THAP9: variants seen among roughly 807,000 people sequenced by gnomAD.
THAP9 encodes the protein DNA transposase THAP9.
THAP9 carries 20 observed loss-of-function variants against 35.7 expected under a neutral mutation model. That is an observed-to-expected ratio of 0.56 (90% confidence interval 0.39 to 0.81). THAP9 has a LOEUF of 0.81. Among genes scored for constraint, THAP9 ranks in the 40% least tolerant of loss-of-function variants. The pLI is 0.00. For missense variants in THAP9, 870 were observed against 1,047.4 expected (o/e 0.83, Z 2.34); for synonymous variants, 335 against 373.7 (o/e 0.90, Z 1.19).
In THAP9 at chr4:82,917,356, A is replaced by G. The variant is rs751453009; in HGVS notation, c.1144A>G (p.Met382Val). 36 of 1,613,346 alleles carry G rather than the reference A, an allele frequency of 2.2e-5. No homozygotes were observed. Among genetic ancestry groups the G allele is most frequent in the South Asian group, 3.3e-5 (3 of 91,074 alleles). ...TSDATAHSVQ[M>V]AKALGIHIDG... ...TGATGCCACAGCACATAGTGTTCAG[A>G]TGGCAAAAGCATTGGGGATACATAT... is the stretch of plus-strand genomic sequence containing the variant. The change falls in exon 5 of 5, where the codon ATG (methionine) becomes GTG (valine). Residue 382 changes from methionine (M) to valine (V), a missense_variant. Met to Val is a conservative substitution (Grantham distance 21). Around this residue, in one of 3 missense-constraint regions of THAP9, gnomAD observed 440 missense variants for 501.2 expected, o/e 0.88. Coordinates refer to ENST00000302236, the MANE Select transcript of THAP9 (RefSeq NM_024672.6).
rs139094304 is a variant in THAP9 at position 82,910,377 on chromosome 4, C to T, written c.731+2442C>T. ...AGAAAGTGAAAAACATAGTACTTCG[C>T]TTCCCCTAATCCCACAAAATAACTA... On this transcript the variant is annotated intron_variant, in intron 4 of 4. Coordinates refer to ENST00000302236, the MANE Select transcript of THAP9 (RefSeq NM_024672.6). 4 of 153,500 alleles carry T rather than the reference C, an allele frequency of 2.6e-5. No individual in the cohort carries two copies. The East Asian group carries it at 7.6e-4, about 29-fold the overall frequency. The allele number at this position is 153,500 out of a possible 1,614,324, so 9.5% of individuals were successfully genotyped here. A position where few individuals can be genotyped will look rare whatever the true frequency, so the allele number is the denominator to read the frequency against.
intron 3 of THAP9, 75 bp from the exon 4 acceptor site, chr4:82,907,710 T>A (rs547964009): frequency 4.2e-5 from 47 of 1,114,018 alleles, no homozygotes; most frequent in Non-Finnish European, 5.9e-5. Flanking sequence ...CAGTGCATTT[T>A]ATATCCAAAT....
intron 4 of THAP9, among the ~76,000 whole-genome samples, chr4:82,916,427 G>A (rs1721034222): frequency 6.6e-6 from 1 of 152,208 alleles, no homozygotes; most frequent in African/African-American, 2.4e-5. Context: ...GCTGTAAAGA[G>A]TGAGAAATGC....
chr4:82,914,253 A>G lies in THAP9; in HGVS notation c.732-2691A>G, dbSNP rs1297496986. On this transcript the variant is annotated intron_variant, in intron 4 of 4. Coordinates refer to ENST00000302236, the MANE Select transcript of THAP9 (RefSeq NM_024672.6). The stretch of plus-strand genomic sequence containing the variant: ...CATTGATGGAGATTTAGGGTGTTCC[A>G]TGTCTTGACTATTGTGAATAGTGCT... Among the ~76,000 whole-genome samples, 3 of 152,236 alleles carry G rather than the reference A, an allele frequency of 2.0e-5. No homozygotes were observed. In the East Asian group the frequency reaches 5.8e-4, roughly 29 times the overall value.
At chr4:82,907,741 A>T (rs1042782087) in intron 3 of THAP9, 44 bp from the exon 4 acceptor site, 18 of 1,449,662 alleles carry the variant, frequency 1.2e-5, no homozygotes, top group Non-Finnish European at 1.6e-5. Context: ...GTACCTGAAA[A>T]TTTTACTATT....
Position 82,906,393 on chromosome 4 carries a change from T to C in THAP9, c.346T>C (p.Ser116Pro), listed in dbSNP as rs1304164101. 1 of 1,613,364 alleles carries C rather than the reference T, an allele frequency of 6.2e-7. No individual in the cohort carries two copies. The highest frequency in any genetic ancestry group is 8.5e-7 in the Non-Finnish European group (1 of 1,179,536). ...KILKQPLPDNSQEVATEDHNY... is the reference protein window; with the variant it reads ...KILKQPLPDNPQEVATEDHNY... ...CCTAAAACAACCTCTTCCAGACAAT[T>C]CTCAAGAAGTTGCTACTGAGGACCA... Residue 116 changes from serine (S) to proline (P), a missense_variant, in exon 3 of 5, where the codon TCT becomes CCT. Ser to Pro is a moderately conservative substitution (Grantham distance 74). Transcript: ENST00000302236.
At position 82,914,264 on chromosome 4, in the gene THAP9, A is replaced by G. The variant is rs1216556218; in HGVS notation, c.732-2680A>G. 2.6e-5 allele frequency among the ~76,000 whole-genome samples: 4 copies of G among 152,276 alleles called. No individual in the cohort carries two copies. The East Asian group carries it at 5.8e-4, about 22-fold the overall frequency. On this transcript the variant is annotated intron_variant, in intron 4 of 4. Coordinates refer to ENST00000302236, the MANE Select transcript of THAP9 (RefSeq NM_024672.6). ...ATTTAGGGTGTTCCATGTCTTGACT[A>G]TTGTGAATAGTGCTGCAGTTAAAAT...
At chr4:82,905,445 C>T (rs932519132) in intron 2 of THAP9, among the ~76,000 whole-genome samples, 2 of 152,090 alleles carry the variant, frequency 1.3e-5, no homozygotes, top group Non-Finnish European at 2.9e-5. Context: ...ACCCCTTAAC[C>T]ACAACTCTGA....
rs1384612623 is a variant in THAP9, at chr4:82,917,247, A to G, written c.1035A>G (p.Ala345=). The change falls in exon 5 of 5, where the codon GCA becomes GCG. Residue 345 remains alanine (A), a synonymous_variant. Transcript: ENST00000302236. The part of the protein sequence containing the change: ...TPLGYFFVNR[A]SGYLQAQLLR... The stretch of plus-strand genomic sequence containing the variant: ...TTGGTTATTTTTTTGTAAACAGAGC[A>G]TCTGGATATTTGCAGGCTCAGCTGC... 1.2e-6 allele frequency: 2 copies of G among 1,614,010 alleles called. No homozygotes were observed. Among genetic ancestry groups the G allele is most frequent in the African/African-American group, 2.7e-5 (2 of 74,914 alleles).
At chr4:82,915,903 T>C (rs964542116) in intron 4 of THAP9, among the ~76,000 whole-genome samples, 1 of 151,998 alleles carries the variant, frequency 6.6e-6, no homozygotes, top group African/African-American at 2.4e-5. Flanking sequence ...GTCAACTCTG[T>C]GTGTGTGTGT....
At chr4:82,910,424 T>A (rs547401201) in intron 4 of THAP9, among the ~76,000 whole-genome samples, 75 of 110,944 alleles carry the variant, frequency 6.8e-4, no homozygotes, top group Admixed American at 3.8e-3. Flanking sequence ...TTTGTGTATA[T>A]CCTCCAAGTT....
In THAP9 at chr4:82,919,952, A is replaced by G. The variant is rs1199947193; in HGVS notation, c.*1028A>G. 1.3e-5 allele frequency: 2 copies of G among 150,478 alleles called. No homozygotes were observed. Among genetic ancestry groups the G allele is most frequent in the Admixed American group, 6.6e-5 (1 of 15,228 alleles). The allele number at this position is 150,478 out of a possible 1,614,324, so 9.3% of individuals were successfully genotyped here. A position where few individuals can be genotyped will look rare whatever the true frequency, so the allele number is the denominator to read the frequency against. ...GATAACGTAAAAGTATATTGATTAAAATTCCCCTTACAAAGTATATTTTGA... is the reference window on the plus strand; with the variant it reads ...GATAACGTAAAAGTATATTGATTAAGATTCCCCTTACAAAGTATATTTTGA... On this transcript the variant is annotated 3_prime_UTR_variant, in exon 5 of 5. Transcript: ENST00000302236.
rs763997599 is a variant in THAP9 at position 82,918,872 on chromosome 4, C to A, written c.2660C>A (p.Thr887Asn). 6.2e-7 allele frequency: 1 copy of A among 1,611,106 alleles called. No individual in the cohort carries two copies. The highest frequency in any genetic ancestry group is 1.7e-5 in the Admixed American group (1 of 59,632). Residue 887 changes from threonine (T) to asparagine (N), a missense_variant, in exon 5 of 5, where the codon ACC becomes AAC. This residue lies in a region of THAP9 where 414 missense variants were observed against 500.8 expected (regional missense o/e 0.83). Transcript: ENST00000302236. ...QDYKCSSFAN[T>N]SSKFRHLLSN... ...TATAAATGTTCAAGTTTTGCTAATA[C>A]CAGTAGTAAATTCAGGCATTTGCTA...
rs1391831815 is a variant in THAP9 at position 82,917,761 on chromosome 4, CTGTT to C, written c.1552_1555del (p.Phe518ThrfsTer25). Reference sequence around the variant, plus strand: ...CCATTTTTTACGTTTAATTAACAATCTGTTTGACATCTTTAATAGTAGGAACTGT... The same window carrying C: ...CCATTTTTTACGTTTAATTAACAATCTGACATCTTTAATAGTAGGAACTGT... On this transcript the variant is annotated frameshift_variant, in exon 5 of 5. Transcript: ENST00000302236. LOFTEE classifies it high-confidence loss of function. 9.3e-6 allele frequency: 15 copies of C among 1,613,842 alleles called. No individual in the cohort carries two copies. The highest frequency in any genetic ancestry group is 8.0e-5 in the African/African-American group (6 of 74,920).
At chr4:82,911,709 C>G (rs561046942) in intron 4 of THAP9, among the ~76,000 whole-genome samples, 1 of 152,216 alleles carries the variant, frequency 6.6e-6, no homozygotes, top group South Asian at 2.1e-4. Flanking sequence ...CACCACCACA[C>G]TCAGCAGGAA....
rs1346236845 is a variant in THAP9 at position 82,918,315 on chromosome 4, A to G, written c.2103A>G (p.Leu701=). 3 of 1,614,174 alleles carry G rather than the reference A, an allele frequency of 1.9e-6. No individual in the cohort carries two copies. The South Asian group carries it at 3.3e-5, about 18-fold the overall frequency. ...GICQDWSHCS[L]SEALLDLSDH... ...GTCAAGACTGGTCTCATTGTTCACT[A>G]AGTGAGGCATTACTAGACCTGTCAG... The change falls in exon 5 of 5, where the codon CTA becomes CTG. Residue 701 remains leucine, a synonymous_variant. Transcript: ENST00000302236.
chr4:82,901,027 G>C (rs1444092057), intron 1 of THAP9, 145 bp downstream of exon 1: 4 of 950,514 alleles, frequency 4.2e-6, no homozygotes, highest in Non-Finnish European at 6.6e-6. Flanking sequence ...GGGCGTGGGA[G>C]CGGAATTGGG....
At chr4:82,910,681 A>C in intron 4 of THAP9, 2 of 565,936 alleles carry the variant, frequency 3.5e-6, no homozygotes, top group South Asian at 1.8e-5. Context: ...TTATTCAATA[A>C]ATATTTATTG....
chr4:82,913,859 C>T (rs1418730204), intron 4 of THAP9, among the ~76,000 whole-genome samples: 2 of 152,000 alleles, frequency 1.3e-5, no homozygotes, highest in Non-Finnish European at 1.5e-5. Context: ...GCCTCAGCCT[C>T]CCGAGTAGCT....
Sources: allele counts gnomAD v4.1 joint callset (sites outside exome capture counted in the v4.1 genomes callset), GRCh38; gene constraint gnomAD v4.1.1; regional missense constraint gnomAD v4.1.1; transcripts MANE v1.5; gene names NCBI Gene and HGNC (gene_info 2026-07-23, HGNC 2026-07-21).